USP40: variants seen among roughly 807,000 people sequenced by gnomAD.
The protein encoded by USP40 is ubiquitin carboxyl-terminal hydrolase 40.
USP40 carries 143 observed loss-of-function variants against 166.2 expected under a neutral mutation model. The observed-to-expected ratio is 0.86, with a 90% confidence interval of 0.75 to 0.99. The LOEUF is 0.99. USP40 is among the 50% of genes least tolerant of loss of function. The pLI is 0.00. For missense variants in USP40, 1,444 were observed against 1,479.7 expected (o/e 0.98, Z 0.40); for synonymous variants, 498 against 524.0 (o/e 0.95, Z 0.68).
intron 18 of USP40, among the ~76,000 whole-genome samples, chr2:233,514,639 A>G (rs928436132): frequency 2.6e-5 from 4 of 152,198 alleles, no homozygotes; most frequent in African/African-American, 9.7e-5. Flanking sequence ...GACAGGATCT[A>G]ATTCACACGT....
At chr2:233,525,116 G>A (rs1280854995) in intron 14 of USP40, among the ~76,000 whole-genome samples, 1 of 152,204 alleles carries the variant, frequency 6.6e-6, no homozygotes, top group African/African-American at 2.4e-5. Context: ...ATCTGAAGCT[G>A]AGAACTGGGC....
At position 233,488,472 on chromosome 2, in the gene USP40, G is replaced by A. The variant is rs114045442; in HGVS notation, c.3132-168C>T. Among the ~76,000 whole-genome samples the A allele has an allele frequency of 3.2e-3, 486 of 152,282 alleles. 3 individuals are homozygous for A. The highest frequency in any genetic ancestry group is 0.011 in the African/African-American group (463 of 41,550). Reference sequence around the variant, plus strand: ...GGGAAAAAATGAGAATCCTTGCTGCGGTGATTATTTAGATACTTGAGTCAT... The same window carrying A: ...GGGAAAAAATGAGAATCCTTGCTGCAGTGATTATTTAGATACTTGAGTCAT... On this transcript the variant is annotated intron_variant, in intron 27 of 31. Coordinates refer to ENST00000678225, the MANE Select transcript of USP40 (RefSeq NM_001365479.2).
At position 233,493,846 on chromosome 2, in the gene USP40, C is replaced by A. The variant is rs1319563073; in HGVS notation, c.2791-295G>T. Among the ~76,000 whole-genome samples the A allele has an allele frequency of 6.6e-6, 1 of 152,122 alleles. No individual in the cohort carries two copies. Among genetic ancestry groups the A allele is most frequent in the Admixed American group, 6.5e-5 (1 of 15,272 alleles). ...AATGCATTTGCTTGAACACACTATA[C>A]CAGCGTTTCCAGGCGCTGTCCAAGC... On this transcript the variant is annotated intron_variant, in intron 24 of 31. Coordinates refer to ENST00000678225, the MANE Select transcript of USP40 (RefSeq NM_001365479.2). This position sits in a 1 kb window ranked among gnomAD's most constrained non-coding sequence, Gnocchi z 4.7.
At chr2:233,551,651 G>T in intron 6 of USP40, 132 bp from the exon 7 acceptor site, 1 of 855,368 alleles carries the variant, frequency 1.2e-6, no homozygotes, top group East Asian at 2.8e-5. Flanking sequence ...TCATTACCAT[G>T]GATTCAACAT....
chr2:233,491,510 C>T (rs1457812912), intron 25 of USP40, among the ~76,000 whole-genome samples: 2 of 152,148 alleles, frequency 1.3e-5, no homozygotes, highest in African/African-American at 4.8e-5. Flanking sequence ...TCTCTCCTTC[C>T]TCAAAGAGGA....
intron 12 of USP40, among the ~76,000 whole-genome samples, chr2:233,528,860 C>T (rs1323876875): frequency 6.6e-6 from 1 of 152,128 alleles, no homozygotes; most frequent in Non-Finnish European, 1.5e-5. Context: ...AATAAAGAAG[C>T]AGTTCAGAGT....
At chr2:233,488,784 AG>A (rs2065115260) in intron 27 of USP40, among the ~76,000 whole-genome samples, 1 of 152,202 alleles carries the variant, frequency 6.6e-6, no homozygotes, top group African/African-American at 2.4e-5. Flanking sequence ...CACATGCCTG[AG>A]GTCCCAGCTA....
Position 233,477,401 on chromosome 2 carries a change from G to A in USP40, c.3702C>T (p.Ser1234=), listed in dbSNP as rs776802954. The A allele has an allele frequency of 6.2e-7, 1 of 1,613,408 alleles. No individual in the cohort carries two copies. The highest frequency in any genetic ancestry group is 8.5e-7 in the Non-Finnish European group (1 of 1,179,700). ...CCGTGCAGCGGCGCGGTTATCTGAA[G>A]CTCCCCACGTGGATGGAGAGAGAAG... ...PETSLSIHVG[S]FR Residue 1234 remains serine, a synonymous_variant, in exon 32 of 32, where the codon AGC becomes AGT. Transcript: ENST00000678225.
chr2:233,488,208 G>T, intron 28 of USP40, 31 bp downstream of exon 28: 1 of 1,574,344 alleles, frequency 6.4e-7, no homozygotes, highest in Non-Finnish European at 8.7e-7. Flanking sequence ...ATACGTGTGT[G>T]TCACTTCAGA....
At chr2:233,499,063 G>T (rs1228002547) in intron 22 of USP40, among the ~76,000 whole-genome samples, 1 of 152,094 alleles carries the variant, frequency 6.6e-6, no homozygotes, top group Non-Finnish European at 1.5e-5. Context: ...GTAAACGTGT[G>T]CCATGGTGGT....
intron 18 of USP40, chr2:233,519,295 T>A (rs2067484551): frequency 5.1e-6 from 1 of 194,972 alleles, no homozygotes; most frequent in South Asian, 1.1e-4. Context: ...GGTAAGTGAA[T>A]AGTGAGTTTG....
intron 18 of USP40, among the ~76,000 whole-genome samples, chr2:233,516,862 GAAA>G (rs774667692): frequency 1.8e-5 from 2 of 113,040 alleles, no homozygotes. Flanking sequence ...GTCTCGAATT[GAAA>G]AAAAAAAAAA....
chr2:233,498,678 T>C lies in USP40; in HGVS notation c.2651-66A>G, dbSNP rs2065885159. ...TAGGTGAGACGTTGCGTGTAACTTC[T>C]AGAAGAATGTCTTGCACCCAGAGCA... On this transcript the variant is annotated intron_variant, in intron 22 of 31. Coordinates refer to ENST00000678225, the MANE Select transcript of USP40 (RefSeq NM_001365479.2). 38 of 1,347,876 alleles carry C rather than the reference T, an allele frequency of 2.8e-5. No individual in the cohort carries two copies. The South Asian group carries it at 4.1e-4, about 15-fold the overall frequency. The allele number at this position is 1,347,876 out of a possible 1,614,324, so 83.5% of individuals were successfully genotyped here.
Position 233,510,120 on chromosome 2 carries a change from CA to C in USP40, c.2541del (p.Phe847LeufsTer16). 6.2e-7 allele frequency: 1 copy of C among 1,601,010 alleles called. No homozygotes were observed. ...APSSSQLFLF[F>X]AMGSDVQPGT... ...CCAGGTTGAACGTCACTCCCCATTG[CA>C]AAAAACAGGAACAACTAATAACAAG... is the stretch of plus-strand genomic sequence containing the variant. On this transcript the variant is annotated frameshift_variant, in exon 21 of 32. Coordinates refer to ENST00000678225, the MANE Select transcript of USP40 (RefSeq NM_001365479.2). LOFTEE classifies it high-confidence loss of function.
chr2:233,484,006 GT>G (rs2064788828), intron 30 of USP40, among the ~76,000 whole-genome samples: 2 of 152,150 alleles, frequency 1.3e-5, no homozygotes, highest in Non-Finnish European at 2.9e-5. Context: ...CCATGAGCCT[GT>G]TTGTCTACCC....
chr2:233,477,251 C>T lies in USP40; in HGVS notation c.*141G>A, dbSNP rs1307784999. On this transcript the variant is annotated 3_prime_UTR_variant, in exon 32 of 32. Transcript: ENST00000678225. Reference sequence around the variant, plus strand: ...GTGACTACATGCACTGGCCAGGCCTCAGAGGAGCCGTCCCTGTGCTCAAAG... The same window carrying T: ...GTGACTACATGCACTGGCCAGGCCTTAGAGGAGCCGTCCCTGTGCTCAAAG... The T allele has an allele frequency of 1.3e-6, 1 of 792,646 alleles. No individual in the cohort carries two copies. Among genetic ancestry groups the T allele is most frequent in the Admixed American group, 2.0e-5 (1 of 49,228 alleles). The allele number at this position is 792,646 out of a possible 1,614,324, so 49.1% of individuals were successfully genotyped here.
At position 233,531,427 on chromosome 2, in the gene USP40, T is replaced by A. The variant is rs556853925; in HGVS notation, c.1472-1915A>T. 1.3e-3 allele frequency among the ~76,000 whole-genome samples: 203 copies of A among 152,344 alleles called. 1 individual carries two copies. The highest frequency in any genetic ancestry group is 4.5e-3 in the African/African-American group (188 of 41,576). ...ACCTAGATTTTTTGTTGGATCTTTG[T>A]TCAATTCCTAAGCTAACAAGAAAAC... On this transcript the variant is annotated intron_variant, in intron 11 of 31. Coordinates refer to ENST00000678225, the MANE Select transcript of USP40 (RefSeq NM_001365479.2).
intron 10 of USP40, 101 bp from the exon 11 acceptor site, chr2:233,533,880 C>A: frequency 8.2e-7 from 1 of 1,222,444 alleles, no homozygotes. Context: ...GATCATTTAA[C>A]TTCATCTTTA....
intron 28 of USP40, among the ~76,000 whole-genome samples, chr2:233,487,300 T>C (rs1400782622): frequency 1.3e-5 from 2 of 152,376 alleles, no homozygotes; most frequent in East Asian, 3.9e-4. Context: ...CTTTCATTTA[T>C]CAATTTAGGA....
Sources: gnomAD v4.1 joint callset for allele counts (sites outside exome capture counted in the v4.1 genomes callset) on GRCh38, gnomAD v4.1.1 for gene constraint, Gnocchi (gnomAD v3.1) non-coding constraint, MANE v1.5 for transcripts, NCBI Gene and HGNC (gene_info 2026-07-23, HGNC 2026-07-21) for gene names.